Variants in ALDH1L1 observed in about 807,000 individuals in gnomAD.
The protein encoded by ALDH1L1 is aldehyde dehydrogenase 1 family member L1.
A neutral mutation model predicts 101.1 loss-of-function variants in ALDH1L1; 68 were observed. The ratio of observed to expected loss-of-function variants is 0.67; its 90% CI spans 0.55 to 0.82. ALDH1L1 has a LOEUF of 0.82. Among genes scored for constraint, ALDH1L1 ranks in the 40% least tolerant of loss-of-function variants. ALDH1L1 has a pLI of 0.00. For missense variants in ALDH1L1, 1,087 were observed against 1,172.7 expected, an observed-to-expected ratio of 0.93 and a Z score of 1.07; for synonymous variants, 486 against 470.8, an observed-to-expected ratio of 1.03 and a Z score of -0.42.
At chr3:126,197,263 A>ATG (rs2081586659) in intron 1 of ALDH1L1, among the ~76,000 whole-genome samples, 1 of 152,230 alleles carries the variant, frequency 6.6e-6, no homozygotes, top group Non-Finnish European at 1.5e-5. Flanking sequence ...GGCCTAATGT[A>ATG]TAAGCCAGAA....
chr3:126,126,543 G>A (rs550668950), intron 14 of ALDH1L1, among the ~76,000 whole-genome samples: 4 of 151,950 alleles, frequency 2.6e-5, no homozygotes, highest in African/African-American at 7.2e-5. Context: ...GAGGCATCAG[G>A]GGGGAGCAGC....
At chr3:126,191,192 T>C (rs1022677487) in intron 1 of ALDH1L1, among the ~76,000 whole-genome samples, 9 of 152,232 alleles carry the variant, frequency 5.9e-5, no homozygotes, top group Admixed American at 3.9e-4. Flanking sequence ...CAAAAGGATT[T>C]CATTAGATGA....
chr3:126,163,180 C>G (rs2081095796), intron 1 of ALDH1L1, among the ~76,000 whole-genome samples: 1 of 151,994 alleles, frequency 6.6e-6, no homozygotes, highest in Admixed American at 6.6e-5. Context: ...TGCTTTTTGG[C>G]CATTTGTATA....
chr3:126,146,820 C>T lies in ALDH1L1; in HGVS notation c.1076+15G>A, dbSNP rs373576956. On this transcript the variant is annotated intron_variant, in intron 9 of 22. Transcript: ENST00000393434. ...CCAAGTACCTGGGACAGGACCCCTCCACTCCTGGCCTTACCTCACAACGTC... is the reference window on the plus strand; with the variant it reads ...CCAAGTACCTGGGACAGGACCCCTCTACTCCTGGCCTTACCTCACAACGTC... 6 of 1,612,832 alleles carry T rather than the reference C, an allele frequency of 3.7e-6. No individual in the cohort carries two copies. The highest frequency in any genetic ancestry group is 5.1e-6 in the Non-Finnish European group (6 of 1,179,374).
At chr3:126,152,626 A>T (rs2080828060) in intron 7 of ALDH1L1, 1 of 154,760 alleles carries the variant, frequency 6.5e-6, no homozygotes, top group African/African-American at 2.4e-5. Flanking sequence ...GTTTGTCCGG[A>T]CCCTGTCAGT....
upstream of ALDH1L1, chr3:126,180,752 A>G (rs923551667): frequency 4.9e-6 from 7 of 1,427,360 alleles, no homozygotes; most frequent in Admixed American, 5.5e-5. Context: ...GTAAAAGCCA[A>G]CCCCGCAGGG....
intron 16 of ALDH1L1, among the ~76,000 whole-genome samples, chr3:126,120,938 T>G (rs2108210527): frequency 6.6e-6 from 1 of 152,290 alleles, no homozygotes; most frequent in Non-Finnish European, 1.5e-5. Context: ...CCCCAACCAC[T>G]CACTAGAAAT....
At chr3:126,121,727 T>C (rs78080044) in intron 16 of ALDH1L1, among the ~76,000 whole-genome samples, 1,628 of 152,330 alleles carry the variant, frequency 0.011, 22 homozygotes, top group African/African-American at 0.035. Context: ...GGAATATCTG[T>C]AGCACTGAAG....
chr3:126,185,318 T>A (rs2081508023), upstream of ALDH1L1, among the ~76,000 whole-genome samples: 1 of 152,162 alleles, frequency 6.6e-6, no homozygotes, highest in Non-Finnish European at 1.5e-5. Context: ...AGAAACTCAC[T>A]GTAAAGGAAT....
rs745740851 is a variant in ALDH1L1 at position 126,150,417 on chromosome 3, C to G, written c.973G>C (p.Glu325Gln). Residue 325 changes from glutamate to glutamine, a missense_variant, in exon 8 of 23, where the codon GAG becomes CAG. Coordinates refer to ENST00000393434, the MANE Select transcript of ALDH1L1 (RefSeq NM_012190.4). ...AAGTTGCCTCTTACCCGCACAGCCTCCGCAGTAACCAGCTCTGCCTCTGTC... is the reference window on the plus strand; with the variant it reads ...AAGTTGCCTCTTACCCGCACAGCCTGCGCAGTAACCAGCTCTGCCTCTGTC... ...ELTEAELVTA[E>Q]AVRSVWQRIL... 33 of 1,551,294 alleles carry G rather than the reference C, an allele frequency of 2.1e-5. No individual in the cohort carries two copies. The highest frequency in any genetic ancestry group is 2.7e-5 in the Non-Finnish European group (31 of 1,146,890).
chr3:126,180,421 G>T, intron 1 of ALDH1L1, 55 bp downstream of exon 1: 3 of 986,214 alleles, frequency 3.0e-6, no homozygotes, highest in Non-Finnish European at 3.6e-6. Context: ...AGCTGCAGCC[G>T]GGGCAGCCTC....
intron 2 of ALDH1L1, among the ~76,000 whole-genome samples, 175 bp from the exon 3 acceptor site, chr3:126,158,814 T>C (rs2080974717): frequency 6.6e-6 from 1 of 152,082 alleles, no homozygotes; most frequent in South Asian, 2.1e-4. Flanking sequence ...AGCATGAGGC[T>C]CTGGGGACTG....
upstream of ALDH1L1, chr3:126,180,846 C>A (rs765209275): frequency 6.4e-7 from 1 of 1,551,260 alleles, no homozygotes; most frequent in East Asian, 2.4e-5. Flanking sequence ...TCCCAAGCAC[C>A]CAGCAGGGCT....
intron 20 of ALDH1L1, 60 bp from the exon 21 acceptor site, chr3:126,107,306 C>G (rs1945913676): frequency 7.0e-7 from 1 of 1,433,158 alleles, no homozygotes; most frequent in South Asian, 1.1e-5. Flanking sequence ...GGTCCAGCCT[C>G]TCCGTCAGCA....
intron 16 of ALDH1L1, among the ~76,000 whole-genome samples, chr3:126,120,929 C>T (rs891844475): frequency 1.3e-5 from 2 of 152,096 alleles, no homozygotes; most frequent in East Asian, 1.9e-4. Flanking sequence ...CTGTGCCTCC[C>T]CCAACCACTC....
Position 126,105,847 on chromosome 3 carries a change from G to A in ALDH1L1, c.2532C>T (p.Asn844=). The part of the protein sequence containing the change: ...LASGVFTRDI[N]KALYVSDKLQ... ...GCTTGTCACTGACATACAGGGCCTT[G>A]TTGATGTCCCTGGTGAAGACACCAG... The change falls in exon 22 of 23, where the codon AAC becomes AAT. Residue 844 remains asparagine (N), a synonymous_variant. Transcript: ENST00000393434. 2 of 1,614,230 alleles carry A rather than the reference G, an allele frequency of 1.2e-6. No individual in the cohort carries two copies. Among genetic ancestry groups the A allele is most frequent in the South Asian group, 2.2e-5 (2 of 91,080 alleles).
At chr3:126,153,101 T>C (rs927610166) in intron 7 of ALDH1L1, 2 of 377,980 alleles carry the variant, frequency 5.3e-6, no homozygotes, top group Admixed American at 3.7e-5. Flanking sequence ...GTGTTTCTGA[T>C]AGACCAAAGA....
At chr3:126,175,695 A>G (rs913549459) in intron 1 of ALDH1L1, among the ~76,000 whole-genome samples, 1 of 152,176 alleles carries the variant, frequency 6.6e-6, no homozygotes, top group Admixed American at 6.5e-5. Flanking sequence ...TGGGAACTTA[A>G]CTTGATAAAG....
At chr3:126,165,017 G>A (rs575120936) in intron 1 of ALDH1L1, among the ~76,000 whole-genome samples, 27 of 152,212 alleles carry the variant, frequency 1.8e-4, no homozygotes, top group African/African-American at 6.0e-4. Context: ...TAGTGATGAG[G>A]AACATATTGA....
Sources: allele counts gnomAD v4.1 joint callset (sites outside exome capture counted in the v4.1 genomes callset), GRCh38; gene constraint gnomAD v4.1.1; transcripts MANE v1.5; gene names NCBI Gene and HGNC (gene_info 2026-07-23, HGNC 2026-07-21).